TARS3: variants seen among roughly 807,000 people sequenced by gnomAD.
TARS3 encodes threonyl-tRNA synthetase 3.
A neutral mutation model predicts 103.5 loss-of-function variants in TARS3; 94 were observed. That is an observed-to-expected ratio of 0.91 (90% CI 0.77 to 1.08). TARS3 has a LOEUF of 1.08. TARS3 is among the 50% of genes least tolerant of loss of function. The probability of loss-of-function intolerance (pLI) is 0.00; values close to 1 mark genes in which losing one functional copy is unlikely to be tolerated. For synonymous variants in TARS3, 416 were observed against 355.4 expected, an observed-to-expected ratio of 1.17 and a Z score of -1.92; for missense variants, 952 against 995.2, an observed-to-expected ratio of 0.96 and a Z score of 0.58.
In TARS3 at chr15:101,679,633, T is replaced by C. The variant is rs560213073; in HGVS notation, c.1651-3896A>G. On this transcript the variant is annotated intron_variant, in intron 12 of 18. Transcript: ENST00000335968. ...TTTGTTATTTCAGTGTTACCGTTCA[T>C]AGATTGTCTTTTTAAATTCAAGTTG... Among the ~76,000 whole-genome samples the C allele has an allele frequency of 1.5e-3, 236 of 152,356 alleles. 1 individual carries two copies. Among genetic ancestry groups the C allele is most frequent in the Non-Finnish European group, 2.9e-3 (197 of 68,032 alleles).
At chr15:101,680,100 G>A (rs1374029469) in intron 12 of TARS3, among the ~76,000 whole-genome samples, 1 of 152,198 alleles carries the variant, frequency 6.6e-6, no homozygotes, top group Admixed American at 6.5e-5. Flanking sequence ...GTTGGGGGAG[G>A]GGGATGGGAT....
At chr15:101,696,030 A>G (rs184492886) in intron 10 of TARS3, 1 of 152,120 alleles carries the variant, frequency 6.6e-6, no homozygotes, top group African/African-American at 2.4e-5. Context: ...CATCCTGGCT[A>G]ACACGGTCTC....
At chr15:101,715,393 G>A (rs1157366763) in intron 3 of TARS3, among the ~76,000 whole-genome samples, 23 of 152,010 alleles carry the variant, frequency 1.5e-4, no homozygotes, top group Admixed American at 1.2e-3. Context: ...TGATCCGCCC[G>A]CCTCGGCCTC....
chr15:101,704,234 A>G (rs1899425951), intron 7 of TARS3, among the ~76,000 whole-genome samples: 1 of 152,224 alleles, frequency 6.6e-6, no homozygotes, highest in Non-Finnish European at 1.5e-5. Flanking sequence ...AAACACGAAA[A>G]TGTCATCTCT....
chr15:101,693,991 A>G (rs990763447), intron 10 of TARS3, among the ~76,000 whole-genome samples: 4 of 152,148 alleles, frequency 2.6e-5, no homozygotes, highest in African/African-American at 9.7e-5. Context: ...TGTTATCAAA[A>G]AGGCGTACAT....
At chr15:101,654,857 T>G (rs1897139828) in intron 18 of TARS3, 127 bp from the exon 19 acceptor site, 2 of 892,908 alleles carry the variant, frequency 2.2e-6, no homozygotes, top group South Asian at 3.1e-5. Context: ...TAATGAGCAT[T>G]TGGTTCATCC....
chr15:101,696,519 T>A (rs1329465698), intron 10 of TARS3, among the ~76,000 whole-genome samples: 1 of 152,142 alleles, frequency 6.6e-6, no homozygotes. Flanking sequence ...AAATGGCAGT[T>A]TTAAACTATT....
At chr15:101,708,737 G>A (rs1294268017) in intron 6 of TARS3, 56 bp downstream of exon 6, 1 of 1,158,308 alleles carries the variant, frequency 8.6e-7, no homozygotes, top group South Asian at 1.2e-5. Context: ...GGGGAAGCTA[G>A]TCTATATTGA....
At chr15:101,694,272 C>T in intron 10 of TARS3, among the ~76,000 whole-genome samples, 1 of 152,226 alleles carries the variant, frequency 6.6e-6, no homozygotes, top group East Asian at 1.9e-4. Flanking sequence ...AGTGTGCACA[C>T]CCAGCCCATC....
intron 12 of TARS3, among the ~76,000 whole-genome samples, chr15:101,683,394 G>A (rs1898334033): frequency 6.6e-6 from 1 of 152,124 alleles, no homozygotes; most frequent in African/African-American, 2.4e-5. Context: ...AAACATTAGG[G>A]TTAATTAAAC....
intron 13 of TARS3, among the ~76,000 whole-genome samples, chr15:101,672,531 C>A (rs374578865): frequency 6.6e-6 from 1 of 152,074 alleles, no homozygotes; most frequent in East Asian, 1.9e-4. Context: ...TTGGGAGTGA[C>A]GCGCCTCATG....
At chr15:101,656,639 G>T (rs917910805) in intron 18 of TARS3, among the ~76,000 whole-genome samples, 1 of 152,178 alleles carries the variant, frequency 6.6e-6, no homozygotes, top group Non-Finnish European at 1.5e-5. Flanking sequence ...CTACTGATGG[G>T]ATCATTTTCA....
intron 1 of TARS3, 128 bp from the exon 2 acceptor site, chr15:101,723,292 C>CT (rs1900584790): frequency 1.4e-6 from 1 of 723,958 alleles, no homozygotes; most frequent in Non-Finnish European, 2.4e-6. Flanking sequence ...CTCCTGACCA[C>CT]CAGCTACAGC....
chr15:101,667,155 C>T (rs757355233), intron 15 of TARS3, among the ~76,000 whole-genome samples: 3 of 151,910 alleles, frequency 2.0e-5, no homozygotes, highest in Non-Finnish European at 2.9e-5. Flanking sequence ...TAGGTCTCAA[C>T]AGTGGGCTTA....
chr15:101,657,349 C>G (rs927391352), intron 17 of TARS3, among the ~76,000 whole-genome samples: 3 of 152,198 alleles, frequency 2.0e-5, no homozygotes, highest in African/African-American at 7.2e-5. Context: ...TGAGCGAGCC[C>G]CGAGCTCCGC....
At chr15:101,722,581 C>T (rs1285873974) in intron 2 of TARS3, among the ~76,000 whole-genome samples, 2 of 129,244 alleles carry the variant, frequency 1.5e-5, no homozygotes, top group East Asian at 2.4e-4. Context: ...CCAAGGTGGG[C>T]GGATCATGAG....
At chr15:101,704,460 C>T (rs1899441790) in intron 7 of TARS3, among the ~76,000 whole-genome samples, 2 of 152,078 alleles carry the variant, frequency 1.3e-5, no homozygotes, top group Non-Finnish European at 1.5e-5. Context: ...CGAGACCAGC[C>T]TCGCCAACAT....
intron 10 of TARS3, among the ~76,000 whole-genome samples, chr15:101,694,801 C>G (rs1239612954): frequency 6.6e-6 from 1 of 152,104 alleles, no homozygotes; most frequent in African/African-American, 2.4e-5. Flanking sequence ...TACAAAAGGT[C>G]AAATAGCCTA....
At chr15:101,669,405 A>C (rs962862099) in intron 15 of TARS3, among the ~76,000 whole-genome samples, 2 of 152,216 alleles carry the variant, frequency 1.3e-5, no homozygotes, top group African/African-American at 4.8e-5. Flanking sequence ...GCTAAGCTTA[A>C]TTAACTATTG....
Sources: gnomAD v4.1 joint callset for allele counts (sites outside exome capture counted in the v4.1 genomes callset) on GRCh38, gnomAD v4.1.1 for gene constraint, MANE v1.5 for transcripts, NCBI Gene and HGNC (gene_info 2026-07-23, HGNC 2026-07-21) for gene names.